The following SPTBN1 variants were observed in gnomAD, a reference collection of about 807,000 sequenced individuals.
SPTBN1 encodes the protein spectrin beta chain, non-erythrocytic 1.
A neutral mutation model predicts 266.4 loss-of-function variants in SPTBN1; 32 were observed. That is an observed-to-expected ratio of 0.12 (90% CI 0.09 to 0.16). The LOEUF (loss-of-function observed/expected upper bound fraction) is 0.16, where lower values mean the gene tolerates loss of function less well. Among genes scored for constraint, SPTBN1 ranks in the 10% least tolerant of loss-of-function variants. The pLI is 1.00. For missense variants in SPTBN1, 2,296 were observed against 3,067.1 expected (o/e 0.75, Z 5.94); for synonymous variants, 1,336 against 1,162.2 (o/e 1.15, Z -3.04).
At chr2:54,526,697 A>C in intron 2 of SPTBN1, 131 bp downstream of exon 2, 1 of 1,165,266 alleles carries the variant, frequency 8.6e-7, no homozygotes, top group Non-Finnish European at 1.1e-6. Context: ...TGTGTCCTTG[A>C]GAGCCAGCTG....
At chr2:54,522,658 A>AGG (rs1670520974) in intron 1 of SPTBN1, among the ~76,000 whole-genome samples, 7 of 81,858 alleles carry the variant, frequency 8.6e-5, no homozygotes, top group African/African-American at 3.0e-4. Context: ...GAGAGAGAGA[A>AGG]AGAGAGAGAG....
At position 54,668,601 on chromosome 2, in the gene SPTBN1, AC is replaced by A; in HGVS notation, c.*34del. 1 of 1,566,204 alleles carries A rather than the reference AC, an allele frequency of 6.4e-7. No individual in the cohort carries two copies. The highest frequency in any genetic ancestry group is 8.7e-7 in the Non-Finnish European group (1 of 1,153,342). Reference sequence around the variant, plus strand: ...TTCCTTCACCTCCTGCCCTTCTCTTACCTTTTCAGTGAAATTCCAGCATGCA... The same window carrying A: ...TTCCTTCACCTCCTGCCCTTCTCTTACTTTTCAGTGAAATTCCAGCATGCA... On this transcript the variant is annotated 3_prime_UTR_variant, in exon 36 of 36. Coordinates refer to ENST00000356805, the MANE Select transcript of SPTBN1 (RefSeq NM_003128.3).
At position 54,628,099 on chromosome 2, in the gene SPTBN1, G is replaced by C; in HGVS notation, c.1647G>C (p.Val549=). The C allele has an allele frequency of 1.2e-6, 2 of 1,611,246 alleles. No individual in the cohort carries two copies. Among genetic ancestry groups the C allele is most frequent in the African/African-American group, 1.3e-5 (1 of 74,894 alleles). Residue 549 remains valine, a splice_region_variant and synonymous_variant, in exon 13 of 36, where the codon GTG becomes GTC. Coordinates refer to ENST00000356805, the MANE Select transcript of SPTBN1 (RefSeq NM_003128.3). The surrounding 1 kb of genome is among the most constrained non-coding windows in gnomAD (Gnocchi z 4.3). ...TTTTGGTTGCTTCTTGTGCACAGGT[G>C]CTAGTATTGTCTCAAGACTATGGCA... ...YIMDWMDEMK[V]LVLSQDYGKH...
At chr2:54,648,206 G>A (rs538799226) in intron 24 of SPTBN1, among the ~76,000 whole-genome samples, 1 of 152,206 alleles carries the variant, frequency 6.6e-6, no homozygotes, top group Non-Finnish European at 1.5e-5. Context: ...ACCAGGGCAG[G>A]TTAGGGGAGA....
intron 5 of SPTBN1, 113 bp downstream of exon 5, chr2:54,616,411 T>G: frequency 2.5e-6 from 2 of 814,140 alleles, no homozygotes; most frequent in Non-Finnish European, 3.8e-6. Flanking sequence ...CATTGGGAAG[T>G]CTTGTTAACT....
chr2:54,635,788 C>T (rs1679082015), intron 17 of SPTBN1, among the ~76,000 whole-genome samples: 1 of 152,114 alleles, frequency 6.6e-6, no homozygotes, highest in African/African-American at 2.4e-5. Flanking sequence ...TAAACTCCAA[C>T]TCATATTATC....
At position 54,630,057 on chromosome 2, in the gene SPTBN1, C is replaced by A. The variant is rs889052003; in HGVS notation, c.2807+28C>A. The stretch of plus-strand genomic sequence containing the variant: ...GAGCACGTGGCCAGCAGTGTGCCAG[C>A]CTCCCACGTGTGGGACTGGGGAGGG... On this transcript the variant is annotated intron_variant, in intron 15 of 35. Transcript: ENST00000356805. 4.4e-6 allele frequency: 7 copies of A among 1,607,036 alleles called. No individual in the cohort carries two copies. The African/African-American group carries it at 9.4e-5, about 22-fold the overall frequency.
At chr2:54,526,119 G>C (rs913797146) in intron 1 of SPTBN1, among the ~76,000 whole-genome samples, 1 of 152,206 alleles carries the variant, frequency 6.6e-6, no homozygotes, top group African/African-American at 2.4e-5. Context: ...ATCTCATTCA[G>C]TCCTGTCAAC....
chr2:54,473,863 T>C (rs938370131), intron 1 of SPTBN1, among the ~76,000 whole-genome samples: 2 of 152,248 alleles, frequency 1.3e-5, no homozygotes, highest in Admixed American at 1.3e-4. Flanking sequence ...CTGTATGCCT[T>C]GTACTGGCAC....
intron 3 of SPTBN1, among the ~76,000 whole-genome samples, chr2:54,600,478 A>C (rs1676426920): frequency 6.6e-6 from 1 of 152,200 alleles, no homozygotes; most frequent in Non-Finnish European, 1.5e-5. Flanking sequence ...CATGATGGCT[A>C]TAAGAAGGCA....
chr2:54,533,352 G>GTA lies in SPTBN1; in HGVS notation c.148+6787_148+6788insAT, dbSNP rs1671384115. Among the ~76,000 whole-genome samples the GTA allele has an allele frequency of 4.6e-5, 1 of 21,680 alleles. No individual in the cohort carries two copies. Among genetic ancestry groups the GTA allele is most frequent in the South Asian group, 1.2e-3 (1 of 866 alleles). The allele number at this position is 21,680 out of a possible 152,430, so 14.2% of individuals were successfully genotyped here. On this transcript the variant is annotated intron_variant, in intron 2 of 35. Coordinates refer to ENST00000356805, the MANE Select transcript of SPTBN1 (RefSeq NM_003128.3). The surrounding 1 kb of genome is among the most constrained non-coding windows in gnomAD (Gnocchi z 4.2). ...GAAACCCAGGCTAAAGGGGACTAGT[G>GTA]TGTGTGTGTGTGTGTGTGTGTGTGT...
At chr2:54,556,092 A>G (rs1214317668) in intron 2 of SPTBN1, among the ~76,000 whole-genome samples, 2 of 152,256 alleles carry the variant, frequency 1.3e-5, no homozygotes, top group African/African-American at 2.4e-5. Context: ...TACTGTAAAT[A>G]CAGAACAGTA....
intron 2 of SPTBN1, among the ~76,000 whole-genome samples, chr2:54,576,889 G>A (rs1674522541): frequency 1.3e-5 from 2 of 152,154 alleles, no homozygotes; most frequent in African/African-American, 4.8e-5. Flanking sequence ...CCTGGGATGT[G>A]GGGGAAGCAT....
At chr2:54,601,348 T>G (rs563074119) in intron 3 of SPTBN1, among the ~76,000 whole-genome samples, 1 of 152,328 alleles carries the variant, frequency 6.6e-6, no homozygotes, top group South Asian at 2.1e-4. Flanking sequence ...GCTGGAGATT[T>G]TAAGTCTCTT....
At chr2:54,661,986 A>G in intron 32 of SPTBN1, 1 of 985,456 alleles carries the variant, frequency 1.0e-6, no homozygotes, top group Non-Finnish European at 1.2e-6. Context: ...TTGAGTGATG[A>G]CGCAGAGACT....
chr2:54,488,326 C>G (rs77670272), intron 1 of SPTBN1, among the ~76,000 whole-genome samples: 1 of 152,118 alleles, frequency 6.6e-6, no homozygotes, highest in Non-Finnish European at 1.5e-5. Context: ...AGTGGTAAGA[C>G]GAGACCAAGG....
chr2:54,477,136 T>G (rs546564883), intron 1 of SPTBN1, among the ~76,000 whole-genome samples: 2 of 152,164 alleles, frequency 1.3e-5, no homozygotes, highest in Non-Finnish European at 2.9e-5. Context: ...AACAGAGAGA[T>G]AACTTTTGTC....
At chr2:54,563,445 T>C (rs1179395945) in intron 2 of SPTBN1, among the ~76,000 whole-genome samples, 1 of 152,156 alleles carries the variant, frequency 6.6e-6, no homozygotes, top group East Asian at 1.9e-4. Context: ...ACATAGAGAT[T>C]AAAGAATTTC....
chr2:54,624,335 C>G (rs755890008), intron 10 of SPTBN1, among the ~76,000 whole-genome samples: 4 of 151,840 alleles, frequency 2.6e-5, no homozygotes, highest in African/African-American at 9.7e-5. Flanking sequence ...AAATAGATTT[C>G]CTAGGAATGA....
Sources: allele counts gnomAD v4.1 joint callset (sites outside exome capture counted in the v4.1 genomes callset), GRCh38; gene constraint gnomAD v4.1.1; non-coding constraint Gnocchi (gnomAD v3.1); transcripts MANE v1.5; gene names NCBI Gene and HGNC (gene_info 2026-07-23, HGNC 2026-07-21).